Variants in ARHGAP10 observed in about 807,000 individuals in gnomAD.
The protein encoded by ARHGAP10 is rho GTPase-activating protein 10.
ARHGAP10 carries 87 observed loss-of-function variants against 108.6 expected under a neutral mutation model. That is an observed-to-expected ratio of 0.80 (90% CI 0.67 to 0.96). The LOEUF is 0.96. ARHGAP10 is among the 40% of genes least tolerant of loss of function. The probability of loss-of-function intolerance (pLI) is 0.00; values close to 1 mark genes in which losing one functional copy is unlikely to be tolerated. For missense variants in ARHGAP10, 939 were observed against 954.5 expected, an observed-to-expected ratio of 0.98 and a Z score of 0.21; for synonymous variants, 347 against 341.1, an observed-to-expected ratio of 1.02 and a Z score of -0.19.
chr4:147,956,168 A>G (rs927067482), intron 16 of ARHGAP10, among the ~76,000 whole-genome samples: 2 of 152,146 alleles, frequency 1.3e-5, no homozygotes, highest in African/African-American at 2.4e-5. Context: ...AACCTGCAGT[A>G]TTGGTTTTCA....
intron 1 of ARHGAP10, among the ~76,000 whole-genome samples, chr4:147,785,531 G>A (rs932902064): frequency 1.3e-5 from 2 of 152,096 alleles, no homozygotes; most frequent in Non-Finnish European, 2.9e-5. Context: ...AGCATCCCAT[G>A]GGTGTATGTA....
At chr4:147,989,438 G>A (rs923468152) in intron 18 of ARHGAP10, among the ~76,000 whole-genome samples, 8 of 152,146 alleles carry the variant, frequency 5.3e-5, no homozygotes, top group South Asian at 2.1e-4. Context: ...GCCTGGGAGC[G>A]GTATGGGAGA....
chr4:147,867,045 C>T (rs1196859238), intron 7 of ARHGAP10, among the ~76,000 whole-genome samples: 1 of 152,080 alleles, frequency 6.6e-6, no homozygotes, highest in Non-Finnish European at 1.5e-5. Context: ...GTTTCTGGGT[C>T]AATTCTAAGG....
chr4:148,036,260 T>C (rs933614804), intron 19 of ARHGAP10, among the ~76,000 whole-genome samples: 1 of 152,178 alleles, frequency 6.6e-6, no homozygotes, highest in African/African-American at 2.4e-5. Context: ...GTAGATCTTA[T>C]CTGTTTGGTG....
chr4:148,004,882 A>G (rs1407667772), intron 18 of ARHGAP10, among the ~76,000 whole-genome samples: 1 of 152,226 alleles, frequency 6.6e-6, no homozygotes, highest in Non-Finnish European at 1.5e-5. Flanking sequence ...TTTCTTATTT[A>G]AAGCATGAGT....
At chr4:147,942,460 C>T (rs541167840) in intron 14 of ARHGAP10, among the ~76,000 whole-genome samples, 1 of 152,252 alleles carries the variant, frequency 6.6e-6, no homozygotes, top group East Asian at 1.9e-4. Context: ...ATAATGATTT[C>T]TAAAAGGGTA....
intron 1 of ARHGAP10, among the ~76,000 whole-genome samples, chr4:147,753,361 T>C (rs1729239139): frequency 1.3e-5 from 2 of 151,656 alleles, no homozygotes; most frequent in African/African-American, 4.8e-5. Context: ...TTTTCTTTTT[T>C]TTTTTTGAGA....
intron 19 of ARHGAP10, among the ~76,000 whole-genome samples, chr4:148,024,182 A>G (rs1361570703): frequency 6.6e-6 from 1 of 152,254 alleles, no homozygotes; most frequent in African/African-American, 2.4e-5. Context: ...TCTGGTATCC[A>G]AACCTGCGTT....
chr4:147,967,306 G>A (rs901724959), intron 18 of ARHGAP10, among the ~76,000 whole-genome samples: 4 of 152,246 alleles, frequency 2.6e-5, no homozygotes, highest in African/African-American at 9.6e-5. Context: ...TTGAGGGGCA[G>A]TGAAGCCAGC....
chr4:147,819,612 G>A (rs1217961726), intron 1 of ARHGAP10, among the ~76,000 whole-genome samples: 1 of 151,906 alleles, frequency 6.6e-6, no homozygotes, highest in Non-Finnish European at 1.5e-5. Flanking sequence ...CAGTGGCGCT[G>A]TCTCAGCTCA....
chr4:147,787,347 A>G (rs941564451), intron 1 of ARHGAP10, among the ~76,000 whole-genome samples: 1 of 152,084 alleles, frequency 6.6e-6, no homozygotes, highest in African/African-American at 2.4e-5. Context: ...AGGGAGGAGT[A>G]TTTTCAGTTT....
At chr4:147,761,436 A>C (rs998862525) in intron 1 of ARHGAP10, among the ~76,000 whole-genome samples, 1 of 152,188 alleles carries the variant, frequency 6.6e-6, no homozygotes. Flanking sequence ...TCACATTTGT[A>C]TGTGGCTTCT....
At chr4:148,053,150 A>G (rs1233102065) in intron 20 of ARHGAP10, among the ~76,000 whole-genome samples, 1 of 152,198 alleles carries the variant, frequency 6.6e-6, no homozygotes, top group East Asian at 1.9e-4. Context: ...CAAAGGACAT[A>G]GGAAAATTGG....
chr4:147,733,708 T>C (rs1171925764), intron 1 of ARHGAP10, among the ~76,000 whole-genome samples: 1 of 152,216 alleles, frequency 6.6e-6, no homozygotes, highest in Non-Finnish European at 1.5e-5. Context: ...ACAGTAAATA[T>C]GCATTTAATG....
In ARHGAP10 at chr4:147,837,829, G is replaced by C. The variant is rs1579101099; in HGVS notation, c.313-9322G>C. Among the ~76,000 whole-genome samples, 4 of 151,726 alleles carry C rather than the reference G, an allele frequency of 2.6e-5. No individual in the cohort carries two copies. In the East Asian group the frequency reaches 7.8e-4, roughly 29 times the overall value. On this transcript the variant is annotated intron_variant, in intron 3 of 22. Coordinates refer to ENST00000336498, the MANE Select transcript of ARHGAP10 (RefSeq NM_024605.4). ...GGAGAATTCCTCAAACATAGGAAGG[G>C]GTTTCAAGTGCTGGGCAGCCCAAAA...
In ARHGAP10 at chr4:147,966,822, A is replaced by G. The variant is rs1056634960; in HGVS notation, c.1699A>G (p.Ile567Val). The change falls in exon 18 of 23, where the codon ATT becomes GTT. Residue 567 changes from isoleucine (I) to valine (V), a missense_variant. By Grantham distance (29) the Ile-to-Val change is conservative (BLOSUM62 3). Transcript: ENST00000336498. ...TCAGAATATTGTTGTGGAAATCTTAATTGAAAACCATGAAAAGGTAAAATT... is the reference window on the plus strand; with the variant it reads ...TCAGAATATTGTTGTGGAAATCTTAGTTGAAAACCATGAAAAGGTAAAATT... Reference protein sequence around the residue: ...KFQNIVVEILIENHEKIFRTP... With the variant: ...KFQNIVVEILVENHEKIFRTP... 2 of 1,576,942 alleles carry G rather than the reference A, an allele frequency of 1.3e-6. No homozygotes were observed. The highest frequency in any genetic ancestry group is 2.3e-5 in the East Asian group (1 of 44,380).
intron 1 of ARHGAP10, among the ~76,000 whole-genome samples, chr4:147,777,623 A>G (rs1245347508): frequency 6.6e-6 from 1 of 152,116 alleles, no homozygotes; most frequent in Non-Finnish European, 1.5e-5. Flanking sequence ...CCTTCCTGTC[A>G]GACGGTCAGA....
intron 18 of ARHGAP10, among the ~76,000 whole-genome samples, chr4:147,969,855 G>C (rs1466217102): frequency 6.6e-6 from 1 of 152,186 alleles, no homozygotes; most frequent in African/African-American, 2.4e-5. Context: ...TGGCTAGATA[G>C]TTCTATGAAT....
intron 10 of ARHGAP10, among the ~76,000 whole-genome samples, chr4:147,882,354 A>G (rs867104332): frequency 1.3e-5 from 2 of 151,794 alleles, no homozygotes; most frequent in Non-Finnish European, 2.9e-5. Flanking sequence ...TCCCAGCTAC[A>G]TGGGAGGCTG....
Sources: allele counts gnomAD v4.1 joint callset (sites outside exome capture counted in the v4.1 genomes callset), GRCh38; gene constraint gnomAD v4.1.1; transcripts MANE v1.5; gene names NCBI Gene and HGNC (gene_info 2026-07-23, HGNC 2026-07-21).